The following CRYBG1 variants were observed in gnomAD, a reference collection of about 807,000 sequenced individuals.
CRYBG1 encodes crystallin beta-gamma domain containing 1.
Under a neutral mutation model 189.2 loss-of-function variants are expected in CRYBG1, and 139 were observed. That is an observed-to-expected ratio of 0.73 (90% confidence interval 0.64 to 0.85). The LOEUF is 0.85. Ranked by LOEUF, CRYBG1 falls within the 40% of genes least tolerant of loss-of-function variation. CRYBG1 has a pLI of 0.00. For synonymous variants in CRYBG1, 1,023 were observed against 1,017.1 expected, an observed-to-expected ratio of 1.01 and a Z score of -0.11; for missense variants, 2,611 against 2,675.8, an observed-to-expected ratio of 0.98 and a Z score of 0.53.
Position 106,360,785 on chromosome 6 carries a change from G to A in CRYBG1, c.-124G>A, listed in dbSNP as rs1771850343. ...GCCGTCCCCCCGCATCCGCGACGAG[G>A]GGGCGGGGTCCCACGGCGCGCTGAG... is the stretch of plus-strand genomic sequence containing the variant. On this transcript the variant is annotated 5_prime_UTR_variant, in exon 1 of 22. Transcript: ENST00000633556. 4.2e-6 allele frequency: 5 copies of A among 1,187,556 alleles called. No individual in the cohort carries two copies. Among genetic ancestry groups the A allele is most frequent in the African/African-American group, 1.6e-5 (1 of 61,608 alleles). The allele number at this position is 1,187,556 out of a possible 1,614,324, so 73.6% of individuals were successfully genotyped here.
chr6:106,523,396 T>C (rs1231455839), intron 4 of CRYBG1, among the ~76,000 whole-genome samples: 2 of 152,212 alleles, frequency 1.3e-5, no homozygotes, highest in African/African-American at 4.8e-5. Context: ...ACTTTGTTCT[T>C]TTTAATTGTT....
At chr6:106,527,503 C>A in intron 7 of CRYBG1, 33 bp downstream of exon 7, 1 of 1,580,094 alleles carries the variant, frequency 6.3e-7, no homozygotes, top group South Asian at 1.2e-5. Flanking sequence ...TTTATTTATT[C>A]AGCTAATATT....
intron 1 of CRYBG1, among the ~76,000 whole-genome samples, chr6:106,418,855 C>A (rs1771074711): frequency 6.6e-6 from 1 of 152,206 alleles, no homozygotes; most frequent in African/African-American, 2.4e-5. Context: ...CAGAGAGGGG[C>A]ACCCGAGTGG....
chr6:106,567,448 A>AGATT (rs1774924097), intron 21 of CRYBG1, among the ~76,000 whole-genome samples: 1 of 152,248 alleles, frequency 6.6e-6, no homozygotes, highest in South Asian at 2.1e-4. Context: ...TATAATACCT[A>AGATT]GATTTATTGT....
At chr6:106,448,018 A>G (rs1771700612) in intron 1 of CRYBG1, among the ~76,000 whole-genome samples, 1 of 152,194 alleles carries the variant, frequency 6.6e-6, no homozygotes, top group Non-Finnish European at 1.5e-5. Context: ...TAAGCTTGCT[A>G]GGAGTAGAAG....
intron 1 of CRYBG1, among the ~76,000 whole-genome samples, chr6:106,403,273 G>A (rs1326981396): frequency 1.3e-5 from 2 of 152,190 alleles, no homozygotes; most frequent in African/African-American, 4.8e-5. Flanking sequence ...AGGCTACAGT[G>A]AGCTATGATG....
At chr6:106,547,827 G>A (rs1413044385) in intron 13 of CRYBG1, among the ~76,000 whole-genome samples, 1 of 152,148 alleles carries the variant, frequency 6.6e-6, no homozygotes, top group East Asian at 1.9e-4. Context: ...AGCAACTGAG[G>A]TTTTTAGGAA....
Position 106,442,442 on chromosome 6 carries a change from C to T in CRYBG1, c.174-9252C>T, listed in dbSNP as rs138776106. Among the ~76,000 whole-genome samples, 12 of 152,236 alleles carry T rather than the reference C, an allele frequency of 7.9e-5. No individual in the cohort carries two copies. In the East Asian group the frequency reaches 2.3e-3, roughly 29 times the overall value. ...GTGGGGCAAAGGTAAACAAAATAGG[C>T]AGATGATGCATATTAAAGATGCTAT... is the stretch of plus-strand genomic sequence containing the variant. On this transcript the variant is annotated intron_variant, in intron 1 of 21. Coordinates refer to ENST00000633556, the MANE Select transcript of CRYBG1 (RefSeq NM_001371242.2).
chr6:106,444,810 C>T (rs1162007143), intron 1 of CRYBG1, among the ~76,000 whole-genome samples: 1 of 152,150 alleles, frequency 6.6e-6, no homozygotes, highest in African/African-American at 2.4e-5. Context: ...CTGCACCACA[C>T]AGCATATTGG....
intron 1 of CRYBG1, among the ~76,000 whole-genome samples, chr6:106,392,043 G>T (rs1411384180): frequency 6.6e-6 from 1 of 152,010 alleles, no homozygotes; most frequent in Non-Finnish European, 1.5e-5. Context: ...GAGCAGCTGT[G>T]AGGATTCAGA....
At chr6:106,501,511 T>G (rs1212273187) in intron 2 of CRYBG1, among the ~76,000 whole-genome samples, 1 of 152,074 alleles carries the variant, frequency 6.6e-6, no homozygotes, top group African/African-American at 2.4e-5. Flanking sequence ...ATTGTGTTAC[T>G]TACTTAGTTT....
At chr6:106,460,413 TG>T (rs1391284447) in intron 2 of CRYBG1, among the ~76,000 whole-genome samples, 1 of 152,256 alleles carries the variant, frequency 6.6e-6, no homozygotes, top group Non-Finnish European at 1.5e-5. Flanking sequence ...TGTGCTAAAG[TG>T]ATAATCATTG....
At chr6:106,413,726 G>T (rs887996253) in intron 1 of CRYBG1, among the ~76,000 whole-genome samples, 1 of 150,988 alleles carries the variant, frequency 6.6e-6, no homozygotes, top group African/African-American at 2.4e-5. Context: ...GCAGATCTTT[G>T]TCATGAGAAG....
intron 13 of CRYBG1, 87 bp from the exon 14 acceptor site, chr6:106,551,765 T>C: frequency 7.1e-7 from 1 of 1,415,272 alleles, no homozygotes. Flanking sequence ...CAAATGAAAG[T>C]TTCTGTATGA....
chr6:106,513,542 A>C (rs186417739), intron 3 of CRYBG1, among the ~76,000 whole-genome samples: 8 of 152,366 alleles, frequency 5.3e-5, no homozygotes, highest in African/African-American at 1.9e-4. Context: ...CAAAAAGCTT[A>C]AAAACACACA....
intron 3 of CRYBG1, among the ~76,000 whole-genome samples, chr6:106,518,515 G>A (rs1283003111): frequency 1.3e-5 from 2 of 152,218 alleles, no homozygotes; most frequent in Non-Finnish European, 2.9e-5. Flanking sequence ...CAAGCACTGT[G>A]CATACATGCT....
chr6:106,455,431 C>G (rs1342592473), intron 2 of CRYBG1, among the ~76,000 whole-genome samples: 1 of 150,616 alleles, frequency 6.6e-6, no homozygotes, highest in Non-Finnish European at 1.5e-5. Flanking sequence ...CTTGATTCCA[C>G]TATGAGGAGG....
In CRYBG1 at chr6:106,520,604, C is replaced by A. The variant is rs749071520; in HGVS notation, c.3396C>A (p.Asn1132Lys). 5 of 1,614,168 alleles carry A rather than the reference C, an allele frequency of 3.1e-6. No homozygotes were observed. Among genetic ancestry groups the A allele is most frequent in the Non-Finnish European group, 4.2e-6 (5 of 1,180,018 alleles). The change falls in exon 4 of 22, where the codon AAC becomes AAA. Residue 1132 changes from asparagine to lysine, a missense_variant. By Grantham distance (94) the Asn-to-Lys change is moderately conservative. Transcript: ENST00000633556. ...PMKRKKARMP[N>K]SPAPHFAMPP... ...AAAGAAAGAAGGCCAGGATGCCAAA[C>A]TCTCCTGCTCCTCACTTTGCCATGC...
chr6:106,472,792 T>A (rs574040728), intron 2 of CRYBG1, among the ~76,000 whole-genome samples: 2 of 151,292 alleles, frequency 1.3e-5, no homozygotes, highest in Admixed American at 6.6e-5. Context: ...TAGTCCCAGC[T>A]ACTCGGGAAG....
Sources: allele counts gnomAD v4.1 joint callset (sites outside exome capture counted in the v4.1 genomes callset), GRCh38; gene constraint gnomAD v4.1.1; transcripts MANE v1.5; gene names NCBI Gene and HGNC (gene_info 2026-07-23, HGNC 2026-07-21).